The following PRR11 variants were observed in gnomAD, a reference collection of about 807,000 sequenced individuals.
PRR11 encodes proline-rich protein 11.
PRR11 carries 30 observed loss-of-function variants against 45.6 expected under a neutral mutation model. The observed-to-expected ratio is 0.66, with a 90% CI of 0.49 to 0.89. PRR11 has a LOEUF of 0.89. PRR11 is among the 40% of genes least tolerant of loss of function. The pLI is 0.00. For missense variants in PRR11, 373 were observed against 424.8 expected (o/e 0.88, Z 1.07); for synonymous variants, 128 against 153.5 (o/e 0.83, Z 1.23).
chr17:59,182,503 T>C (rs1230118244), intron 2 of PRR11, among the ~76,000 whole-genome samples: 1 of 149,724 alleles, frequency 6.7e-6, no homozygotes, highest in South Asian at 2.1e-4. Context: ...GTGATTCTCC[T>C]GTCTCAGCCT....
chr17:59,162,267 GAGAA>G (rs1467102557), intron 1 of PRR11, among the ~76,000 whole-genome samples: 1 of 151,790 alleles, frequency 6.6e-6, no homozygotes, highest in Admixed American at 6.6e-5. Flanking sequence ...GAGAGAGAGA[GAGAA>G]AGAAATATGA....
intron 9 of PRR11, among the ~76,000 whole-genome samples, chr17:59,199,676 TTCTC>T (rs2046883290): frequency 6.6e-6 from 1 of 152,170 alleles, no homozygotes; most frequent in African/African-American, 2.4e-5. Flanking sequence ...TTATAGTTCG[TTCTC>T]TCTCTGGATG....
chr17:59,178,786 A>G (rs2046763781), intron 2 of PRR11, among the ~76,000 whole-genome samples: 1 of 152,124 alleles, frequency 6.6e-6, no homozygotes, highest in Non-Finnish European at 1.5e-5. Context: ...AAAAGCCAGA[A>G]TGCCCTCCCA....
At chr17:59,187,953 T>TA (rs1372033303) in intron 4 of PRR11, among the ~76,000 whole-genome samples, 1 of 152,104 alleles carries the variant, frequency 6.6e-6, no homozygotes, top group Non-Finnish European at 1.5e-5. Flanking sequence ...GTCTTTATTT[T>TA]AGGCAGCAGG....
chr17:59,177,574 G>A (rs2046755013), intron 2 of PRR11, among the ~76,000 whole-genome samples: 1 of 152,126 alleles, frequency 6.6e-6, no homozygotes, highest in South Asian at 2.1e-4. Context: ...CCAAAGAACT[G>A]AGAGTAAAGG....
chr17:59,182,720 C>T (rs2046794857), intron 2 of PRR11, among the ~76,000 whole-genome samples: 1 of 152,050 alleles, frequency 6.6e-6, no homozygotes, highest in Non-Finnish European at 1.5e-5. Context: ...TCAATCCTAT[C>T]CCACCTCTTC....
intron 2 of PRR11, among the ~76,000 whole-genome samples, chr17:59,174,098 T>A (rs552368382): frequency 1.7e-4 from 26 of 152,328 alleles, no homozygotes; most frequent in African/African-American, 6.3e-4. Flanking sequence ...ACTCACAGTT[T>A]GGTAACCCTG....
intron 5 of PRR11, among the ~76,000 whole-genome samples, chr17:59,194,002 T>C (rs968352028): frequency 1.3e-5 from 2 of 152,190 alleles, no homozygotes; most frequent in Admixed American, 1.3e-4. Context: ...GGCTTTTTCC[T>C]AGGGAAGAAA....
intron 1 of PRR11, among the ~76,000 whole-genome samples, chr17:59,168,620 G>A (rs945811856): frequency 2.4e-4 from 37 of 152,022 alleles, no homozygotes; most frequent in Admixed American, 1.2e-3. Context: ...AACCTGGGAG[G>A]TGGAGGTTGC....
chr17:59,173,554 C>T lies in PRR11; in HGVS notation c.128+3674C>T, dbSNP rs147352030. Among the ~76,000 whole-genome samples the T allele has an allele frequency of 9.8e-3, 1,488 of 152,248 alleles. 19 individuals carry two copies. Among genetic ancestry groups the T allele is most frequent in the South Asian group, 0.027 (129 of 4,820 alleles). On this transcript the variant is annotated intron_variant, in intron 2 of 9. Transcript: ENST00000262293. ...CTGCCTTAAGAGCTGTAACACTCAC[C>T]GCGAAGGTCTGCAGCTTCACTACTG...
Position 59,201,938 on chromosome 17 carries a change from T to C in PRR11, c.*307T>C. ...GTGAGCCAAGATCGCGTCATTGCAC[T>C]CCAGCCTGAGCAACAAGAGCAAAAC... is the stretch of plus-strand genomic sequence containing the variant. On this transcript the variant is annotated 3_prime_UTR_variant, in exon 10 of 10. Transcript: ENST00000262293. 1 of 281,592 alleles carries C rather than the reference T, an allele frequency of 3.6e-6. No individual in the cohort carries two copies. The highest frequency in any genetic ancestry group is 6.9e-6 in the Non-Finnish European group (1 of 145,354). 17.4% of individuals were successfully genotyped at this position (281,592 alleles called of 1,614,324 possible). A position where few individuals can be genotyped will look rare whatever the true frequency, so the allele number is the denominator to read the frequency against.
chr17:59,180,666 C>T lies in PRR11; in HGVS notation c.129-4388C>T, dbSNP rs146100785. 9.9e-4 allele frequency among the ~76,000 whole-genome samples: 150 copies of T among 151,222 alleles called. 4 individuals carry two copies. Among genetic ancestry groups the T allele is most frequent in the African/African-American group, 3.4e-3 (141 of 40,886 alleles). ...GAATACAGGCGTGCGCCACCACACC[C>T]GGCTAAGTTTTGTATTTTTAGTATT... On this transcript the variant is annotated intron_variant, in intron 2 of 9. Transcript: ENST00000262293.
chr17:59,196,054 C>G (rs9895375), intron 7 of PRR11, among the ~76,000 whole-genome samples: 58,972 of 146,314 alleles, frequency 0.4, 12,586 homozygotes, highest in African/African-American at 0.56. Context: ...TGCCACTGTA[C>G]TCCAGCCTGG....
At chr17:59,179,516 A>G in intron 2 of PRR11, 2 of 1,290,816 alleles carry the variant, frequency 1.5e-6, no homozygotes, top group South Asian at 1.3e-5. Context: ...ATGAGTGATC[A>G]CTTCTGAGTC....
intron 1 of PRR11, among the ~76,000 whole-genome samples, 166 bp downstream of exon 1, chr17:59,155,971 C>T (rs1157269075): frequency 4.6e-5 from 7 of 152,072 alleles, no homozygotes; most frequent in Admixed American, 1.3e-4. Context: ...AAGAAGTGCT[C>T]GGCCTGGCTT....
At position 59,204,884 on chromosome 17, in the gene PRR11, C is replaced by T. The variant is rs1369845780; in HGVS notation, c.*3253C>T. 2.0e-5 allele frequency among the ~76,000 whole-genome samples: 3 copies of T among 151,904 alleles called. No homozygotes were observed. The highest frequency in any genetic ancestry group is 1.9e-4 in the East Asian group (1 of 5,184). ...ACTCTACAAAAAACGAAAAATTAGC[C>T]GGGAGCGGTGATGTGTGCCTGTAGT... On this transcript the variant is annotated 3_prime_UTR_variant, in exon 10 of 10. Coordinates refer to ENST00000262293, the MANE Select transcript of PRR11 (RefSeq NM_018304.4).
At position 59,205,044 on chromosome 17, in the gene PRR11, A is replaced by T. The variant is rs909391875; in HGVS notation, c.*3413A>T. On this transcript the variant is annotated 3_prime_UTR_variant, in exon 10 of 10. Transcript: ENST00000262293. ...AGACTCCATCTCAAAAAGAAAAGAA[A>T]AAATGCTTTGCTACATAATGAGGCC... Among the ~76,000 whole-genome samples, 2 of 152,122 alleles carry T rather than the reference A, an allele frequency of 1.3e-5. No individual in the cohort carries two copies. The highest frequency in any genetic ancestry group is 2.4e-5 in the African/African-American group (1 of 41,440).
Position 59,183,736 on chromosome 17 carries a change from GA to G in PRR11, c.129-1316del, listed in dbSNP as rs1260523194. 2.6e-5 allele frequency among the ~76,000 whole-genome samples: 4 copies of G among 152,210 alleles called. No homozygotes were observed. The East Asian group carries it at 7.7e-4, about 29-fold the overall frequency. The stretch of plus-strand genomic sequence containing the variant: ...AGTTTTGTATCATATGTATTGCTCT[GA>G]ACTCAGAAATTTCCCTACCATTTAT... On this transcript the variant is annotated intron_variant, in intron 2 of 9. Transcript: ENST00000262293.
chr17:59,170,959 C>A (rs1055512765), intron 2 of PRR11, among the ~76,000 whole-genome samples: 1 of 152,166 alleles, frequency 6.6e-6, no homozygotes, highest in African/African-American at 2.4e-5. Flanking sequence ...AAACCCACAT[C>A]CTCTTTAAAG....
Sources: allele counts gnomAD v4.1 joint callset (sites outside exome capture counted in the v4.1 genomes callset), GRCh38; gene constraint gnomAD v4.1.1; transcripts MANE v1.5; gene names NCBI Gene and HGNC (gene_info 2026-07-23, HGNC 2026-07-21).